Variants in PTPRC observed in about 807,000 individuals in gnomAD.
The protein encoded by PTPRC is protein tyrosine phosphatase receptor type C, also known as receptor-type tyrosine-protein phosphatase C.
PTPRC carries 44 observed loss-of-function variants against 155.9 expected under a neutral mutation model. That is an observed-to-expected ratio of 0.28 (90% CI 0.22 to 0.36). The LOEUF is 0.36. PTPRC is among the 10% of genes least tolerant of loss of function. PTPRC has a pLI of 1.00. For synonymous variants in PTPRC, 525 were observed against 533.1 expected (o/e 0.98, Z 0.21); for missense variants, 1,401 against 1,564.6 (o/e 0.90, Z 1.76).
At position 198,693,886 on chromosome 1, in the gene PTPRC, T is replaced by C. The variant is rs562936023; in HGVS notation, c.100+1513T>C. The stretch of plus-strand genomic sequence containing the variant: ...GGCTAGAAGTAATCTTTAGGAATGC[T>C]ACTCATCAAAATAGCGTGGTACTAT... On this transcript the variant is annotated intron_variant, in intron 3 of 32. Transcript: ENST00000442510. 6.0e-5 allele frequency: 69 copies of C among 1,143,184 alleles called. No homozygotes were observed. In the South Asian group the frequency reaches 9.5e-4, roughly 16 times the overall value. 70.8% of individuals were successfully genotyped at this position (1,143,184 alleles called of 1,614,324 possible).
intron 9 of PTPRC, among the ~76,000 whole-genome samples, chr1:198,707,345 A>G (rs958137732): frequency 1.3e-5 from 2 of 152,202 alleles, no homozygotes; most frequent in South Asian, 2.1e-4. Context: ...AACATAAAGG[A>G]TTTGATGTGT....
intron 26 of PTPRC, among the ~76,000 whole-genome samples, chr1:198,746,412 G>A (rs1408694925): frequency 2.6e-5 from 4 of 151,672 alleles, no homozygotes; most frequent in Non-Finnish European, 5.9e-5. Flanking sequence ...TTCTTAAAAG[G>A]GCTGCTGAGT....
At chr1:198,642,370 G>GTCTATCTATCTATCTATCTATCTATCTA (rs369299301) in intron 2 of PTPRC, among the ~76,000 whole-genome samples, 1 of 150,442 alleles carries the variant, frequency 6.6e-6, no homozygotes, top group Non-Finnish European at 1.5e-5. Flanking sequence ...CTATCTATCT[G>GTCTATCTATCTATCTATCTATCTATCTA]TCTATCTATC....
rs767273540 is a variant in PTPRC at position 198,754,422 on chromosome 1, T to C, written c.3645+18T>C. 1.3e-5 allele frequency: 21 copies of C among 1,613,070 alleles called. No homozygotes were observed. The Admixed American group carries it at 3.2e-4, about 24-fold the overall frequency. On this transcript the variant is annotated intron_variant, in intron 32 of 32. Coordinates refer to ENST00000442510, the MANE Select transcript of PTPRC (RefSeq NM_002838.5). ...CCACATTCGTAAGTATCCTTCACCA[T>C]TGCTTTTAACATGCTCGGAATTTTT... is the stretch of plus-strand genomic sequence containing the variant.
intron 14 of PTPRC, 126 bp from the exon 15 acceptor site, chr1:198,722,290 A>G (rs1653924440): frequency 8.2e-6 from 3 of 366,006 alleles, no homozygotes; most frequent in Admixed American, 5.2e-5. Context: ...GCAAATCAGC[A>G]TACTTTTATT....
At chr1:198,741,082 C>G (rs1233962636) in intron 23 of PTPRC, among the ~76,000 whole-genome samples, 1 of 151,782 alleles carries the variant, frequency 6.6e-6, no homozygotes, top group African/African-American at 2.4e-5. Context: ...ACAAAGGCAC[C>G]TGCTCCATAG....
chr1:198,756,274 T>A lies in PTPRC; in HGVS notation c.*93T>A, dbSNP rs546854643. The A allele has an allele frequency of 1.4e-6, 2 of 1,473,184 alleles. No individual in the cohort carries two copies. Among genetic ancestry groups the A allele is most frequent in the East Asian group, 4.7e-5 (2 of 42,356 alleles). 91.3% of individuals were successfully genotyped at this position (1,473,184 alleles called of 1,614,324 possible). A position where few individuals can be genotyped will look rare whatever the true frequency, so the allele number is the denominator to read the frequency against. On this transcript the variant is annotated 3_prime_UTR_variant, in exon 33 of 33. Transcript: ENST00000442510. ...AAGTGAAAATAGGTATACAGTGGAT[T>A]AATTAAATGCAGCGAACCAATATTT...
intron 12 of PTPRC, among the ~76,000 whole-genome samples, chr1:198,714,621 T>G (rs1653481155): frequency 6.6e-6 from 1 of 152,222 alleles, no homozygotes; most frequent in Non-Finnish European, 1.5e-5. Context: ...AAGGGCTCTT[T>G]GGAGCCAGCT....
At chr1:198,714,197 T>C (rs1481391137) in intron 12 of PTPRC, among the ~76,000 whole-genome samples, 1 of 152,154 alleles carries the variant, frequency 6.6e-6, no homozygotes, top group Non-Finnish European at 1.5e-5. Flanking sequence ...TGTTCATTTT[T>C]TTTTTCTCTT....
chr1:198,639,284 T>A lies in PTPRC; in HGVS notation c.16T>A (p.Trp6Arg), dbSNP rs761069010. Residue 6 changes from tryptophan (W) to arginine (R), a missense_variant, in exon 2 of 33, where the codon TGG (tryptophan) becomes AGG (arginine). Physicochemically the swap from Trp to Arg is moderately radical, Grantham distance 101. Coordinates refer to ENST00000442510, the MANE Select transcript of PTPRC (RefSeq NM_002838.5). Reference protein sequence around the residue: MTMYLWLKLLAFGFAF... With the variant: MTMYLRLKLLAFGFAF... ...ACTTCCAGATATGACCATGTATTTG[T>A]GGCTTAAACTCTTGGCATTTGGCTT... The A allele has an allele frequency of 2.5e-6, 4 of 1,613,508 alleles. No individual in the cohort carries two copies. Among genetic ancestry groups the A allele is most frequent in the Non-Finnish European group, 3.4e-6 (4 of 1,179,528 alleles).
chr1:198,709,727 C>A lies in PTPRC; in HGVS notation c.1074C>A (p.Asn358Lys). The A allele has an allele frequency of 6.2e-7, 1 of 1,603,166 alleles. No individual in the cohort carries two copies. Among genetic ancestry groups the A allele is most frequent in the Non-Finnish European group, 8.5e-7 (1 of 1,174,450 alleles). ...ATAATAAAGAAATTAAATTAGAAAA[C>A]CTTGAACCCGAACATGAGTATAAGT... ...IFDNKEIKLE[N>K]LEPEHEYKCD... The change falls in exon 11 of 33, where the codon AAC becomes AAA. Residue 358 changes from asparagine to lysine, a missense_variant. Physicochemically the swap from Asn to Lys is moderately conservative, Grantham distance 94. This residue lies in a region of PTPRC where 867 missense variants were observed against 970.4 expected (regional missense o/e 0.89). Coordinates refer to ENST00000442510, the MANE Select transcript of PTPRC (RefSeq NM_002838.5).
chr1:198,707,029 A>T, intron 9 of PTPRC, 77 bp downstream of exon 9: 4 of 1,216,324 alleles, frequency 3.3e-6, no homozygotes, highest in Non-Finnish European at 4.8e-6. Flanking sequence ...CAGTGGTCAC[A>T]GGAGCTAGTC....
At chr1:198,697,419 A>G (rs1400869497) in intron 4 of PTPRC, among the ~76,000 whole-genome samples, 3 of 152,208 alleles carry the variant, frequency 2.0e-5, no homozygotes, top group Non-Finnish European at 4.4e-5. Context: ...AGTTTCTTTT[A>G]AGAGCATTTG....
At chr1:198,668,652 TAC>T (rs1664462048) in intron 2 of PTPRC, among the ~76,000 whole-genome samples, 1 of 152,216 alleles carries the variant, frequency 6.6e-6, no homozygotes, top group South Asian at 2.1e-4. Context: ...TAATTCTAAT[TAC>T]ATAGTTTATA....
At chr1:198,749,625 A>C (rs1655291253) in intron 28 of PTPRC, 76 bp downstream of exon 28, 5 of 1,432,978 alleles carry the variant, frequency 3.5e-6, no homozygotes, top group East Asian at 2.4e-5. Context: ...CCATTCATTA[A>C]GCGATTTTAT....
At chr1:198,656,027 G>A (rs1395628962) in intron 2 of PTPRC, among the ~76,000 whole-genome samples, 3 of 151,976 alleles carry the variant, frequency 2.0e-5, no homozygotes, top group African/African-American at 7.2e-5. Flanking sequence ...ATGAACAAAG[G>A]AGATATCACA....
At chr1:198,646,478 T>A (rs564770849) in intron 2 of PTPRC, among the ~76,000 whole-genome samples, 31 of 151,988 alleles carry the variant, frequency 2.0e-4, no homozygotes, top group Admixed American at 1.1e-3. Flanking sequence ...TTAGTTTTTT[T>A]AATTGGTTTT....
intron 2 of PTPRC, chr1:198,657,475 A>G (rs1663659364): frequency 6.6e-6 from 1 of 152,264 alleles, no homozygotes; most frequent in Admixed American, 6.5e-5. Flanking sequence ...GAAATCTCAA[A>G]CATACCTGAA....
chr1:198,689,043 CAATT>C (rs1054576204), intron 2 of PTPRC, among the ~76,000 whole-genome samples: 1 of 152,120 alleles, frequency 6.6e-6, no homozygotes, highest in Non-Finnish European at 1.5e-5. Flanking sequence ...TAAATATTAA[CAATT>C]AATAACAATA....
Sources: allele counts gnomAD v4.1 joint callset (sites outside exome capture counted in the v4.1 genomes callset), GRCh38; gene constraint gnomAD v4.1.1; regional missense constraint gnomAD v4.1.1; transcripts MANE v1.5; gene names NCBI Gene and HGNC (gene_info 2026-07-23, HGNC 2026-07-21).